Variants in FMNL2 observed in about 807,000 individuals in gnomAD.
FMNL2 encodes formin-like protein 2.
FMNL2 carries 51 observed loss-of-function variants against 130.2 expected under a neutral mutation model. The ratio of observed to expected loss-of-function variants is 0.39; its 90% confidence interval spans 0.31 to 0.49. FMNL2 has a LOEUF of 0.49. Among genes scored for constraint, FMNL2 ranks in the 20% least tolerant of loss-of-function variants. The pLI, the probability that FMNL2 is intolerant of heterozygous loss-of-function variation, is 0.85. For synonymous variants in FMNL2, 465 were observed against 467.1 expected, an observed-to-expected ratio of 1.00 and a Z score of 0.06; for missense variants, 977 against 1,316.2, an observed-to-expected ratio of 0.74 and a Z score of 3.99.
chr2:152,640,656 G>T, intron 24 of FMNL2, 135 bp from the exon 25 acceptor site: 1 of 1,113,362 alleles, frequency 9.0e-7, no homozygotes, highest in Non-Finnish European at 1.2e-6. Flanking sequence ...CTCTGCAACT[G>T]AGCAGAATGT....
intron 1 of FMNL2, among the ~76,000 whole-genome samples, chr2:152,417,678 G>A (rs1456294028): frequency 2.0e-5 from 3 of 152,028 alleles, no homozygotes; most frequent in African/African-American, 7.2e-5. Flanking sequence ...TTCCATCTAC[G>A]GTTGCTGCCT....
At chr2:152,572,377 C>G (rs1696221993) in intron 6 of FMNL2, among the ~76,000 whole-genome samples, 1 of 152,098 alleles carries the variant, frequency 6.6e-6, no homozygotes, top group African/African-American at 2.4e-5. Flanking sequence ...CTGGTGAGCA[C>G]CAGAGGCCAT....
chr2:152,527,686 T>A (rs1482299954), intron 2 of FMNL2, among the ~76,000 whole-genome samples: 2 of 152,162 alleles, frequency 1.3e-5, no homozygotes, highest in Non-Finnish European at 2.9e-5. Flanking sequence ...TTTCATGGGT[T>A]CATCATGTTT....
At chr2:152,382,159 G>C (rs1684509354) in intron 1 of FMNL2, among the ~76,000 whole-genome samples, 4 of 152,056 alleles carry the variant, frequency 2.6e-5, no homozygotes, top group Admixed American at 2.6e-4. Flanking sequence ...CTTAATAGGA[G>C]GTAAATATAC....
chr2:152,344,113 C>G (rs1348293439), intron 1 of FMNL2, among the ~76,000 whole-genome samples: 2 of 152,142 alleles, frequency 1.3e-5, no homozygotes, highest in African/African-American at 2.4e-5. Context: ...GATCATGCCA[C>G]TGCACTCTAG....
intron 1 of FMNL2, among the ~76,000 whole-genome samples, chr2:152,347,821 C>T (rs994383735): frequency 6.6e-6 from 1 of 152,156 alleles, no homozygotes; most frequent in Admixed American, 6.5e-5. Flanking sequence ...CTCTTCTTTT[C>T]TCTGCTTTGT....
rs149231265 is a variant in FMNL2, at chr2:152,464,709, C to T, written c.118-57234C>T. 6.2e-3 allele frequency among the ~76,000 whole-genome samples: 938 copies of T among 152,282 alleles called. 9 individuals carry two copies. Among genetic ancestry groups the T allele is most frequent in the African/African-American group, 0.02 (828 of 41,552 alleles). On this transcript the variant is annotated intron_variant, in intron 1 of 25. Transcript: ENST00000288670. ...TCAGCGTGTGAGGAGGAGGCTCAGA[C>T]GCTAAATCCTCTAGTTGGGTAAAGT...
intron 9 of FMNL2, among the ~76,000 whole-genome samples, chr2:152,590,952 G>T (rs902827931): frequency 4.0e-5 from 5 of 126,414 alleles, no homozygotes; most frequent in Non-Finnish European, 8.1e-5. Context: ...TATCCCTCTT[G>T]TGCAGAGTTA....
At chr2:152,507,536 G>A (rs1166905133) in intron 1 of FMNL2, among the ~76,000 whole-genome samples, 1 of 152,162 alleles carries the variant, frequency 6.6e-6, no homozygotes, top group Non-Finnish European at 1.5e-5. Context: ...AAATCCGCTT[G>A]GAGTAGATAC....
intron 1 of FMNL2, among the ~76,000 whole-genome samples, chr2:152,464,512 T>C (rs929747943): frequency 1.3e-5 from 2 of 152,166 alleles, no homozygotes; most frequent in African/African-American, 4.8e-5. Flanking sequence ...GTGAAATTGT[T>C]TGGGGGAGAA....
At chr2:152,417,096 A>G (rs1344839617) in intron 1 of FMNL2, among the ~76,000 whole-genome samples, 2 of 152,370 alleles carry the variant, frequency 1.3e-5, no homozygotes, top group South Asian at 2.1e-4. Context: ...TAACTTCTAC[A>G]CGATTACTTA....
At chr2:152,369,038 G>T (rs138771703) in intron 1 of FMNL2, among the ~76,000 whole-genome samples, 103 of 152,302 alleles carry the variant, frequency 6.8e-4, no homozygotes, top group African/African-American at 2.4e-3. Flanking sequence ...TGAATGAGAT[G>T]CTCCTTAGTT....
intron 25 of FMNL2, among the ~76,000 whole-genome samples, chr2:152,646,441 C>T (rs908148375): frequency 6.6e-6 from 1 of 152,152 alleles, no homozygotes; most frequent in African/African-American, 2.4e-5. Context: ...GAACCTAGAG[C>T]ACAGATCTTA....
chr2:152,626,568 C>A lies in FMNL2; in HGVS notation c.2006C>A (p.Ala669Asp). 8 of 1,611,686 alleles carry A rather than the reference C, an allele frequency of 5.0e-6. No homozygotes were observed. The highest frequency in any genetic ancestry group is 5.9e-6 in the Non-Finnish European group (7 of 1,178,870). ...TTTGAGGAAATATTCAAGACAAAAG[C>A]CCAAGGACCTGCCATTGATCTTTCT... is the stretch of plus-strand genomic sequence containing the variant. ...DEFEEIFKTK[A>D]QGPAIDLSSS... is the part of the protein sequence containing the mutation. The change falls in exon 17 of 26, where the codon GCC (alanine) becomes GAC (aspartate). Residue 669 changes from alanine (A) to aspartate (D), a missense_variant. Ala to Asp is a moderately radical substitution (Grantham distance 126, BLOSUM62 -2). This residue lies in a region of FMNL2 where 689 missense variants were observed against 995.9 expected (regional missense o/e 0.69). Coordinates refer to ENST00000288670, the MANE Select transcript of FMNL2 (RefSeq NM_052905.4).
At chr2:152,574,129 T>G (rs1194469142) in intron 6 of FMNL2, among the ~76,000 whole-genome samples, 2 of 152,152 alleles carry the variant, frequency 1.3e-5, no homozygotes, top group African/African-American at 4.8e-5. Context: ...GCTACATTAC[T>G]TTACACCTCT....
At chr2:152,509,737 C>CCTTTT (rs1692387008) in intron 1 of FMNL2, among the ~76,000 whole-genome samples, 1 of 58,676 alleles carries the variant, frequency 1.7e-5, no homozygotes, top group Non-Finnish European at 2.9e-5. Flanking sequence ...TACTCTGGAC[C>CCTTTT]TTTTTTTTTT....
rs769076905 is a variant in FMNL2 at position 152,607,332 on chromosome 2, G to A, written c.877-7G>A. ...AGTCACATGCACAATGAAAATGTGT[G>A]TTTCAGGTTTGTGGAGAAAAACAGC... On this transcript the variant is annotated splice_polypyrimidine_tract_variant and splice_region_variant and intron_variant, in intron 9 of 25. Coordinates refer to ENST00000288670, the MANE Select transcript of FMNL2 (RefSeq NM_052905.4). 2 of 1,612,644 alleles carry A rather than the reference G, an allele frequency of 1.2e-6. No homozygotes were observed. The highest frequency in any genetic ancestry group is 2.2e-5 in the East Asian group (1 of 44,838).
chr2:152,377,786 A>G (rs534463714), intron 1 of FMNL2, among the ~76,000 whole-genome samples: 1 of 152,330 alleles, frequency 6.6e-6, no homozygotes, highest in Admixed American at 6.5e-5. Context: ...ACTTGCAGTA[A>G]TGACCCACTG....
chr2:152,434,213 G>A (rs569472359), intron 1 of FMNL2, among the ~76,000 whole-genome samples: 7 of 152,352 alleles, frequency 4.6e-5, no homozygotes, highest in African/African-American at 1.7e-4. Flanking sequence ...AAGGGAGTCA[G>A]AGAGACAAGT....
Sources: gnomAD v4.1 joint callset for allele counts (sites outside exome capture counted in the v4.1 genomes callset) on GRCh38, gnomAD v4.1.1 for gene constraint, gnomAD v4.1.1 regional missense constraint, MANE v1.5 for transcripts, NCBI Gene and HGNC (gene_info 2026-07-23, HGNC 2026-07-21) for gene names.